LRBA: variants seen among roughly 807,000 people sequenced by gnomAD.
LRBA encodes the protein LPS responsive beige-like anchor protein.
A neutral mutation model predicts 330.0 loss-of-function variants in LRBA; 176 were observed. That is an observed-to-expected ratio of 0.53 (90% CI 0.47 to 0.60). The LOEUF (loss-of-function observed/expected upper bound fraction) is 0.60, where lower values mean the gene tolerates loss of function less well. Among genes scored for constraint, LRBA ranks in the 20% least tolerant of loss-of-function variants. The pLI, the probability that LRBA is intolerant of heterozygous loss-of-function variation, is 0.00. For synonymous variants in LRBA, 1,230 were observed against 1,193.0 expected, an observed-to-expected ratio of 1.03 and a Z score of -0.64; for missense variants, 3,259 against 3,444.8, an observed-to-expected ratio of 0.95 and a Z score of 1.35.
intron 48 of LRBA, among the ~76,000 whole-genome samples, chr4:150,344,314 C>G (rs897480776): frequency 1.3e-5 from 2 of 152,276 alleles, no homozygotes; most frequent in African/African-American, 4.8e-5. Context: ...CATATGTGAA[C>G]TATATCTCAA....
intron 40 of LRBA, among the ~76,000 whole-genome samples, chr4:150,505,320 A>G (rs1283831934): frequency 6.6e-6 from 1 of 152,182 alleles, no homozygotes; most frequent in Non-Finnish European, 1.5e-5. Context: ...AATTGACCAC[A>G]TAGTTGGAAG....
chr4:150,914,311 C>A lies in LRBA; in HGVS notation c.1045G>T (p.Glu349Ter). Residue 349 changes from glutamate (E) to a stop codon, truncating the protein, a stop_gained, in exon 9 of 57, where the codon GAA becomes TAA. Coordinates refer to ENST00000651943, the MANE Select transcript of LRBA (RefSeq NM_001364905.1). LOFTEE classifies it high-confidence loss of function. ...TFDKCFLGSS[E>*]TADANRVFCG... is the part of the protein sequence containing the mutation. ...AATACTCTATTAGCATCTGCTGTTT[C>A]TGATGAGCCCAGGAAACATTTGTCA... The A allele has an allele frequency of 6.3e-7, 1 of 1,576,074 alleles. No homozygotes were observed.
chr4:150,462,515 T>TC (rs924266412), intron 44 of LRBA, among the ~76,000 whole-genome samples: 1 of 151,750 alleles, frequency 6.6e-6, no homozygotes, highest in African/African-American at 2.4e-5. Context: ...ACTTTTTTTT[T>TC]CTTAAAAGAA....
At chr4:150,489,660 T>C (rs1758636220) in intron 41 of LRBA, among the ~76,000 whole-genome samples, 1 of 124,084 alleles carries the variant, frequency 8.1e-6, no homozygotes, top group Non-Finnish European at 1.6e-5. Flanking sequence ...TATAATATTA[T>C]ATATAAGAAT....
intron 22 of LRBA, among the ~76,000 whole-genome samples, chr4:150,865,959 ACCCGCCTTGGCCT>A (rs1468051792): frequency 6.6e-6 from 1 of 151,934 alleles, no homozygotes; most frequent in Non-Finnish European, 1.5e-5. Context: ...CAGGTGATCC[ACCCGCCTTGGCCT>A]CCCAAAGTGC....
chr4:150,817,716 G>A (rs1296341581), intron 30 of LRBA, among the ~76,000 whole-genome samples: 1 of 149,770 alleles, frequency 6.7e-6, no homozygotes, highest in Admixed American at 6.6e-5. Context: ...AAACCCCAAA[G>A]ACTATATCTT....
intron 37 of LRBA, among the ~76,000 whole-genome samples, chr4:150,644,606 A>T (rs1025955598): frequency 1.3e-5 from 2 of 151,920 alleles, no homozygotes; most frequent in African/African-American, 4.8e-5. Flanking sequence ...AATGATTCCA[A>T]ATGGTTTTCC....
intron 30 of LRBA, among the ~76,000 whole-genome samples, chr4:150,821,711 C>T (rs1745470858): frequency 6.6e-6 from 1 of 152,164 alleles, no homozygotes; most frequent in Non-Finnish European, 1.5e-5. Flanking sequence ...ACTTCAGTCC[C>T]TAAGGATCCA....
intron 52 of LRBA, 70 bp downstream of exon 52, chr4:150,310,159 A>G (rs934173840): frequency 9.7e-7 from 1 of 1,031,170 alleles, no homozygotes; most frequent in Non-Finnish European, 1.5e-6. Flanking sequence ...AGCAGATAAG[A>G]ATGCATCCTA....
intron 36 of LRBA, among the ~76,000 whole-genome samples, chr4:150,684,922 C>A (rs1266591776): frequency 2.0e-5 from 3 of 152,104 alleles, no homozygotes; most frequent in Non-Finnish European, 4.4e-5. Flanking sequence ...AAATAGGAGT[C>A]CTGATTGTCC....
chr4:150,816,878 T>C (rs1359323287), intron 31 of LRBA, among the ~76,000 whole-genome samples: 1 of 151,984 alleles, frequency 6.6e-6, no homozygotes, highest in Non-Finnish European at 1.5e-5. Flanking sequence ...CATGCACTCA[T>C]CTACCCAACT....
chr4:150,685,937 A>C (rs939446757), intron 36 of LRBA, among the ~76,000 whole-genome samples: 2 of 152,222 alleles, frequency 1.3e-5, no homozygotes, highest in African/African-American at 4.8e-5. Flanking sequence ...AGGTAGAACG[A>C]GTAATAGTCT....
At chr4:150,445,704 A>T (rs1752538175) in intron 44 of LRBA, among the ~76,000 whole-genome samples, 1 of 152,028 alleles carries the variant, frequency 6.6e-6, no homozygotes, top group Non-Finnish European at 1.5e-5. Flanking sequence ...TTACTCTGTT[A>T]CCCTGGCTCA....
intron 37 of LRBA, among the ~76,000 whole-genome samples, chr4:150,622,429 T>G (rs1197972481): frequency 6.6e-6 from 1 of 152,124 alleles, no homozygotes; most frequent in Admixed American, 6.5e-5. Flanking sequence ...TCCCAGTTAC[T>G]TGAGAGGCTA....
chr4:150,289,910 A>G (rs1386533379), intron 53 of LRBA, among the ~76,000 whole-genome samples: 1 of 152,216 alleles, frequency 6.6e-6, no homozygotes, highest in Non-Finnish European at 1.5e-5. Flanking sequence ...ACTTGCAATG[A>G]AATTACTGAG....
intron 56 of LRBA, among the ~76,000 whole-genome samples, chr4:150,269,078 C>G (rs1256726360): frequency 6.6e-6 from 1 of 152,058 alleles, no homozygotes; most frequent in Non-Finnish European, 1.5e-5. Flanking sequence ...CATTTTTATA[C>G]ACTAACAAAC....
At chr4:150,764,157 G>GA (rs1735453221) in intron 34 of LRBA, among the ~76,000 whole-genome samples, 1 of 151,676 alleles carries the variant, frequency 6.6e-6, no homozygotes, top group Non-Finnish European at 1.5e-5. Context: ...TTTCTTGCTA[G>GA]AAAAAAAGAA....
chr4:150,873,121 G>T (rs1753625792), intron 17 of LRBA, among the ~76,000 whole-genome samples: 1 of 152,118 alleles, frequency 6.6e-6, no homozygotes, highest in African/African-American at 2.4e-5. Context: ...TCTAATGGTA[G>T]CACATATTTA....
Position 150,514,229 on chromosome 4 carries a change from C to T in LRBA, c.6331-23194G>A, listed in dbSNP as rs181687697. Among the ~76,000 whole-genome samples, 80 of 152,238 alleles carry T rather than the reference C, an allele frequency of 5.3e-4. 1 individual carries two copies. In the East Asian group the frequency reaches 0.014, roughly 26 times the overall value. On this transcript the variant is annotated intron_variant, in intron 40 of 56. Coordinates refer to ENST00000651943, the MANE Select transcript of LRBA (RefSeq NM_001364905.1). ...CTGGGATTACAGGCATGTGCCACCA[C>T]GCCCAGCTAATTTTGTATTTTTAGT...
Sources: gnomAD v4.1 joint callset for allele counts (sites outside exome capture counted in the v4.1 genomes callset) on GRCh38, gnomAD v4.1.1 for gene constraint, MANE v1.5 for transcripts, NCBI Gene and HGNC (gene_info 2026-07-23, HGNC 2026-07-21) for gene names.